NT5DC3: variants seen among roughly 807,000 people sequenced by gnomAD.
The protein encoded by NT5DC3 is 5'-nucleotidase domain-containing protein 3.
A neutral mutation model predicts 67.8 loss-of-function variants in NT5DC3; 42 were observed. The ratio of observed to expected loss-of-function variants is 0.62; its 90% confidence interval spans 0.48 to 0.80. NT5DC3 has a LOEUF of 0.80. NT5DC3 is among the 30% of genes least tolerant of loss of function. The probability of loss-of-function intolerance (pLI) is 0.00; values close to 1 mark genes in which losing one functional copy is unlikely to be tolerated. For missense variants in NT5DC3, 570 were observed against 696.4 expected (o/e 0.82, Z 2.04); for synonymous variants, 237 against 255.6 (o/e 0.93, Z 0.69).
chr12:103,835,381 A>T (rs1184604497), intron 1 of NT5DC3, among the ~76,000 whole-genome samples: 3 of 152,180 alleles, frequency 2.0e-5, no homozygotes, highest in African/African-American at 7.2e-5. Context: ...TGAAGAGAAG[A>T]TAGGGTCCAC....
chr12:103,769,494 T>C (rs1885135069), downstream of NT5DC3, among the ~76,000 whole-genome samples: 1 of 152,244 alleles, frequency 6.6e-6, no homozygotes, highest in Admixed American at 6.5e-5. Context: ...GTCTTTGCTA[T>C]GTCCAGTTCC....
Position 103,785,536 on chromosome 12 carries a change from A to G in NT5DC3, c.1189-61T>C, listed in dbSNP as rs962014960. Reference sequence around the variant, plus strand: ...TCAACAGAATCTAAACTATGTCATTATTTTCCCAGACATGAGAGGCATTCA... The same window carrying G: ...TCAACAGAATCTAAACTATGTCATTGTTTTCCCAGACATGAGAGGCATTCA... On this transcript the variant is annotated intron_variant, in intron 11 of 13. Coordinates refer to ENST00000392876, the MANE Select transcript of NT5DC3 (RefSeq NM_001031701.3). 46 of 1,554,510 alleles carry G rather than the reference A, an allele frequency of 3.0e-5. No individual in the cohort carries two copies. The Admixed American group carries it at 7.7e-4, about 26-fold the overall frequency.
the NT5DC3 span, among the ~76,000 whole-genome samples, chr12:103,747,238 A>G: frequency 6.6e-6 from 1 of 152,240 alleles, no homozygotes; most frequent in Non-Finnish European, 1.5e-5. Context: ...CTAGGTGAGA[A>G]CCACTGTGAA....
chr12:103,801,463 A>G (rs1886577381), intron 4 of NT5DC3, among the ~76,000 whole-genome samples: 1 of 142,834 alleles, frequency 7.0e-6, no homozygotes, highest in South Asian at 2.2e-4. Context: ...GCTCACTGCA[A>G]GCTCCACCTC....
the NT5DC3 span, chr12:103,762,492 G>A: frequency 6.2e-4 from 979 of 1,590,782 alleles, 4 homozygotes; most frequent in African/African-American, 0.011. Context: ...GGCTGCGCCA[G>A]AGTCCTCACC....
intron 4 of NT5DC3, 46 bp from the exon 5 acceptor site, chr12:103,798,723 C>G (rs1886430709): frequency 1.5e-6 from 2 of 1,354,100 alleles, no homozygotes; most frequent in East Asian, 4.6e-5. Context: ...CTAGAGAAAC[C>G]AATGATTTTC....
At chr12:103,766,453 C>A, downstream of NT5DC3, 1 of 1,185,834 alleles carries the variant, frequency 8.4e-7, no homozygotes, top group Non-Finnish European at 1.2e-6. Context: ...AGAAGCCATA[C>A]CTCATCTCTC....
intron 9 of NT5DC3, among the ~76,000 whole-genome samples, chr12:103,789,886 G>A (rs1432195367): frequency 6.6e-6 from 1 of 152,136 alleles, no homozygotes; most frequent in Non-Finnish European, 1.5e-5. Context: ...ACGCAACCCA[G>A]AATTCTAGAC....
chr12:103,746,362 C>T, the NT5DC3 span: 1 of 372,868 alleles, frequency 2.7e-6, no homozygotes, highest in Non-Finnish European at 5.0e-6. Flanking sequence ...AACATTTTTT[C>T]TCATATAAAT....
At chr12:103,837,871 C>T (rs1888217690) in intron 1 of NT5DC3, among the ~76,000 whole-genome samples, 1 of 152,214 alleles carries the variant, frequency 6.6e-6, no homozygotes, top group South Asian at 2.1e-4. Context: ...TGTTACCCAG[C>T]TCCAAAGTCG....
the NT5DC3 span, chr12:103,763,316 T>G: frequency 1.6e-6 from 1 of 632,802 alleles, no homozygotes; most frequent in Non-Finnish European, 2.8e-6. Context: ...AAGATGTCAC[T>G]GAGCTGAATC....
At chr12:103,761,486 G>A in the NT5DC3 span, 1 of 1,305,792 alleles carries the variant, frequency 7.7e-7, no homozygotes, top group South Asian at 1.2e-5. Flanking sequence ...ACCATTACCA[G>A]AAGCCCTGTC....
At chr12:103,820,444 C>T (rs1292178010) in intron 1 of NT5DC3, among the ~76,000 whole-genome samples, 4 of 152,158 alleles carry the variant, frequency 2.6e-5, no homozygotes, top group Non-Finnish European at 5.9e-5. Flanking sequence ...GAAGGCAGAA[C>T]CTCATTCTGG....
At chr12:103,801,837 T>C (rs1248714977) in intron 4 of NT5DC3, among the ~76,000 whole-genome samples, 3 of 152,162 alleles carry the variant, frequency 2.0e-5, no homozygotes, top group African/African-American at 7.2e-5. Context: ...AACCCCGTGA[T>C]GTGAGGCACG....
At chr12:103,770,404 GA>G (rs1885154321), downstream of NT5DC3, 1 of 150,408 alleles carries the variant, frequency 6.6e-6, no homozygotes, top group Admixed American at 6.7e-5. Flanking sequence ...TTGGATCTTA[GA>G]AAATATTTGA....
chr12:103,786,700 T>TTTTTTTTTTTG (rs1885794547), intron 11 of NT5DC3, among the ~76,000 whole-genome samples: 1 of 150,840 alleles, frequency 6.6e-6, no homozygotes. Context: ...TTTTTTTTTT[T>TTTTTTTTTTTG]GAGGCAGGGT....
chr12:103,770,547 G>C (rs1365587544), downstream of NT5DC3: 2 of 151,918 alleles, frequency 1.3e-5, no homozygotes, highest in Non-Finnish European at 2.9e-5. Flanking sequence ...TGATCCTCCA[G>C]CCTCAGCCTC....
chr12:103,825,625 C>T (rs1348424588), intron 1 of NT5DC3, among the ~76,000 whole-genome samples: 3 of 152,014 alleles, frequency 2.0e-5, no homozygotes, highest in Non-Finnish European at 2.9e-5. Context: ...AACTCTGTCT[C>T]TAAAAAAAAA....
rs1885268226 is a variant in NT5DC3 at position 103,774,275 on chromosome 12, C to T, written c.*3554G>A. On this transcript the variant is annotated 3_prime_UTR_variant, in exon 14 of 14. Transcript: ENST00000392876. ...GTTCAAGCTATTTTTGTTTGCTTTA[C>T]AACACAATTTTTTAAATGGCTGAAA... 1 of 152,170 alleles carries T rather than the reference C, an allele frequency of 6.6e-6. No individual in the cohort carries two copies. The highest frequency in any genetic ancestry group is 1.5e-5 in the Non-Finnish European group (1 of 68,036). 9.4% of individuals were successfully genotyped at this position (152,170 alleles called of 1,614,324 possible). A position where few individuals can be genotyped will look rare whatever the true frequency, so the allele number is the denominator to read the frequency against.
Sources: allele counts gnomAD v4.1 joint callset (sites outside exome capture counted in the v4.1 genomes callset), GRCh38; gene constraint gnomAD v4.1.1; transcripts MANE v1.5; gene names NCBI Gene and HGNC (gene_info 2026-07-23, HGNC 2026-07-21).